The following SETX variants were observed in gnomAD, a reference collection of about 807,000 sequenced individuals.
SETX encodes the protein senataxin, also known as helicase senataxin.
In SETX, 90 loss-of-function variants were observed where a neutral mutation model predicts 227.2. That is an observed-to-expected ratio of 0.40 (90% CI 0.33 to 0.47). SETX has a LOEUF of 0.47. Among genes scored for constraint, SETX ranks in the 20% least tolerant of loss-of-function variants. The pLI is 0.91. For synonymous variants in SETX, 1,210 were observed against 1,113.2 expected, an observed-to-expected ratio of 1.09 and a Z score of -1.73; for missense variants, 3,052 against 3,181.5, an observed-to-expected ratio of 0.96 and a Z score of 0.98.
chr9:132,317,535 T>C (rs546863749), intron 10 of SETX, among the ~76,000 whole-genome samples: 2 of 152,342 alleles, frequency 1.3e-5, no homozygotes, highest in African/African-American at 4.8e-5. Flanking sequence ...TCTAGTGTCT[T>C]TGCCCCTCTG....
At chr9:132,287,419 G>A (rs1843972891) in intron 17 of SETX, among the ~76,000 whole-genome samples, 1 of 152,192 alleles carries the variant, frequency 6.6e-6, no homozygotes, top group Non-Finnish European at 1.5e-5. Flanking sequence ...TTGAGTCCAA[G>A]AGCTTGAGGC....
Position 132,329,940 on chromosome 9 carries a change from G to C in SETX, c.1658C>G (p.Ser553Cys). Residue 553 changes from serine (S) to cysteine (C), a missense_variant, in exon 10 of 26, where the codon TCT becomes TGT. By Grantham distance (112) the Ser-to-Cys change is moderately radical. Around this residue, in one of 10 missense-constraint regions of SETX, gnomAD observed 179 missense variants for 197.1 expected, o/e 0.91. Transcript: ENST00000224140. ...LKEGYQLGQQ[S>C]LCKRFWDKLN... is the part of the protein sequence containing the mutation. ...CTTATCCCAGAATCGCTTGCAAAGAGACTGCTGCCCAAGCTGATAACCTTC... is the reference window on the plus strand; with the variant it reads ...CTTATCCCAGAATCGCTTGCAAAGACACTGCTGCCCAAGCTGATAACCTTC... 7 of 1,614,182 alleles carry C rather than the reference G, an allele frequency of 4.3e-6. No individual in the cohort carries two copies. Among genetic ancestry groups the C allele is most frequent in the Non-Finnish European group, 5.1e-6 (6 of 1,180,012 alleles).
intron 10 of SETX, among the ~76,000 whole-genome samples, chr9:132,312,695 G>A (rs1199764293): frequency 6.6e-6 from 1 of 152,158 alleles, no homozygotes; most frequent in East Asian, 1.9e-4. Context: ...CTGCTAGTAA[G>A]GTCAGACTCT....
chr9:132,284,083 G>A (rs11243708), intron 18 of SETX, among the ~76,000 whole-genome samples: 2 of 152,262 alleles, frequency 1.3e-5, no homozygotes, highest in East Asian at 1.9e-4. Flanking sequence ...CAGCACATAC[G>A]ATATATTCAA....
intron 10 of SETX, among the ~76,000 whole-genome samples, chr9:132,321,606 G>A (rs1166306): frequency 0.69 from 99,116 of 143,998 alleles, 37,078 homozygotes; most frequent in Non-Finnish European, 0.84. Context: ...GCAGTGAGCT[G>A]AGATCATGCC....
chr9:132,311,693 C>A, intron 11 of SETX, 64 bp downstream of exon 11: 1 of 1,177,874 alleles, frequency 8.5e-7, no homozygotes, highest in South Asian at 1.3e-5. Flanking sequence ...AATGCTATCT[C>A]CTCTTAATTA....
At chr9:132,346,008 G>C (rs1564567685) in intron 4 of SETX, among the ~76,000 whole-genome samples, 1 of 151,940 alleles carries the variant, frequency 6.6e-6, no homozygotes, top group African/African-American at 2.4e-5. Flanking sequence ...GACACAGCAA[G>C]ACCCTGTCTC....
chr9:132,312,044 G>C (rs1477694277), intron 10 of SETX, among the ~76,000 whole-genome samples, 188 bp from the exon 11 acceptor site: 2 of 152,166 alleles, frequency 1.3e-5, no homozygotes, highest in African/African-American at 4.8e-5. Context: ...GTAGCCACTA[G>C]CTACATCTGG....
rs767022687 is a variant in SETX at position 132,261,898 on chromosome 9, A to G, written c.*2341T>C. ...TGGCAAAGACGAAGCGAAGAGCCAC[A>G]CTTCACACCTTGTAAAAAGAATAGC... On this transcript the variant is annotated 3_prime_UTR_variant, in exon 26 of 26. Coordinates refer to ENST00000224140, the MANE Select transcript of SETX (RefSeq NM_015046.7). 1 of 154,482 alleles carries G rather than the reference A, an allele frequency of 6.5e-6. No homozygotes were observed. Among genetic ancestry groups the G allele is most frequent in the Non-Finnish European group, 1.5e-5 (1 of 68,234 alleles). 9.6% of individuals were successfully genotyped at this position (154,482 alleles called of 1,614,324 possible). A position where few individuals can be genotyped will look rare whatever the true frequency, so the allele number is the denominator to read the frequency against.
At position 132,269,449 on chromosome 9, in the gene SETX, G is replaced by A. The variant is rs1371481374; in HGVS notation, c.7287+166C>T. On this transcript the variant is annotated intron_variant, in intron 25 of 25. Transcript: ENST00000224140. ...CTTGGGTTCTGGGCTGAAAAAAGGC[G>A]AATGGTTCACGTGTACACAAAAGCT... 2.5e-6 allele frequency: 4 copies of A among 1,579,700 alleles called. No homozygotes were observed. The African/African-American group carries it at 4.1e-5, about 16-fold the overall frequency.
intron 2 of SETX, among the ~76,000 whole-genome samples, chr9:132,350,500 C>T (rs933258484): frequency 1.3e-5 from 2 of 152,104 alleles, no homozygotes; most frequent in African/African-American, 4.8e-5. Flanking sequence ...TCAACAGAAA[C>T]TAGGCTTGGC....
Position 132,336,446 on chromosome 9 carries a change from G to A in SETX, c.568C>T (p.Gln190Ter), listed in dbSNP as rs753191889. Residue 190 changes from glutamine (Q) to a stop codon, truncating the protein, a stop_gained, in exon 6 of 26, where the codon CAA becomes TAA. Transcript: ENST00000224140. LOFTEE classifies it high-confidence loss of function. Reference sequence around the variant, plus strand: ...TTAAAAAGGCAAAGTAAAACTTCTTGTAAGTCATAATAATCATCTCTGTCC... The same window carrying A: ...TTAAAAAGGCAAAGTAAAACTTCTTATAAGTCATAATAATCATCTCTGTCC... ...KVDRDDYYDL[Q>*]EVLLCLFKVI... is the part of the protein sequence containing the mutation. 4 of 1,614,062 alleles carry A rather than the reference G, an allele frequency of 2.5e-6. No homozygotes were observed. In the Middle Eastern group the frequency reaches 4.9e-4, roughly 200 times the overall value.
intron 7 of SETX, among the ~76,000 whole-genome samples, chr9:132,334,179 C>T (rs1018821361): frequency 2.0e-5 from 3 of 152,210 alleles, no homozygotes; most frequent in African/African-American, 7.2e-5. Flanking sequence ...ATTTAAAAGT[C>T]TCATGCCTGT....
intron 2 of SETX, among the ~76,000 whole-genome samples, chr9:132,350,147 G>C (rs1389574469): frequency 2.0e-5 from 3 of 152,178 alleles, no homozygotes; most frequent in South Asian, 4.1e-4. Flanking sequence ...GAGGTCCGCA[G>C]TTCGAGACCA....
chr9:132,350,903 G>A (rs561458609), intron 2 of SETX, among the ~76,000 whole-genome samples: 1 of 151,968 alleles, frequency 6.6e-6, no homozygotes, highest in African/African-American at 2.4e-5. Flanking sequence ...TCATCGACGT[G>A]GGGGGGAAAA....
chr9:132,326,488 C>T lies in SETX; in HGVS notation c.5110G>A (p.Glu1704Lys). ...SQSVSDTFVK[E>K]VLKWKYEMFL... is the part of the protein sequence containing the mutation. The stretch of plus-strand genomic sequence containing the variant: ...ATTTCATATTTCCATTTTAAGACCT[C>T]TTTAACGAAGGTGTCAGAGACAGAC... Residue 1704 changes from glutamate (E) to lysine (K), a missense_variant, in exon 10 of 26, where the codon GAG becomes AAG. Physicochemically the swap from Glu to Lys is moderately conservative, Grantham distance 56 (BLOSUM62 1). Transcript: ENST00000224140. The T allele has an allele frequency of 6.2e-7, 1 of 1,614,174 alleles. No individual in the cohort carries two copies.
rs1390727992 is a variant in SETX at position 132,300,362 on chromosome 9, G to A, written c.5548+268C>T. Among the ~76,000 whole-genome samples the A allele has an allele frequency of 2.6e-5, 4 of 152,068 alleles. No homozygotes were observed. In the South Asian group the frequency reaches 6.2e-4, roughly 24 times the overall value. ...AAATGTAATTTAACAAACAACAGAT[G>A]GTCTGCAAATGGTCCATTTTATAGC... On this transcript the variant is annotated intron_variant, in intron 12 of 25. Coordinates refer to ENST00000224140, the MANE Select transcript of SETX (RefSeq NM_015046.7).
At chr9:132,288,807 A>G (rs141094176) in intron 15 of SETX, among the ~76,000 whole-genome samples, 156 bp from the exon 16 acceptor site, 2 of 152,352 alleles carry the variant, frequency 1.3e-5, no homozygotes, top group South Asian at 2.1e-4. Flanking sequence ...ACTACACCAC[A>G]AACTTCTTAT....
intron 17 of SETX, 109 bp from the exon 18 acceptor site, chr9:132,286,603 T>C: frequency 1.3e-6 from 1 of 787,728 alleles, no homozygotes; most frequent in Non-Finnish European, 2.2e-6. Flanking sequence ...CAATGAAAAA[T>C]GTATTTACCC....
Sources: allele counts gnomAD v4.1 joint callset (sites outside exome capture counted in the v4.1 genomes callset), GRCh38; gene constraint gnomAD v4.1.1; regional missense constraint gnomAD v4.1.1; transcripts MANE v1.5; gene names NCBI Gene and HGNC (gene_info 2026-07-23, HGNC 2026-07-21).